Variants in SPANXN1 observed in about 807,000 individuals in gnomAD.
SPANXN1 encodes the protein SPANX family member N1, also known as sperm protein associated with the nucleus on the X chromosome N1.
A neutral mutation model predicts 2.0 loss-of-function variants in SPANXN1; 1 was observed. That is an observed-to-expected ratio of 0.50 (90% CI 0.18 to 2.36). The LOEUF is 2.36. Among genes scored for constraint, SPANXN1 ranks in the 30% most tolerant of loss-of-function variants. SPANXN1 has a pLI of 0.26. For synonymous variants in SPANXN1, 27 were observed against 21.3 expected, an observed-to-expected ratio of 1.27 and a Z score of -0.74; for missense variants, 55 against 51.8, an observed-to-expected ratio of 1.06 and a Z score of -0.19.
intron 1 of SPANXN1, among the ~76,000 whole-genome samples, chrX:145,254,747 C>G (rs1556882884): frequency 9.0e-6 from 1 of 111,480 alleles, no homozygotes; most frequent in East Asian, 2.8e-4. Flanking sequence ...TAATTGACGC[C>G]CAGTGTTGGA....
intron 1 of SPANXN1, among the ~76,000 whole-genome samples, chrX:145,253,882 G>A (rs1556882777): frequency 9.0e-6 from 1 of 111,479 alleles, no homozygotes; most frequent in Non-Finnish European, 1.9e-5. Flanking sequence ...TTGAAAAGGA[G>A]TCAAGTCTCT....
In SPANXN1 at chrX:145,247,952, C is replaced by G. The variant is rs181322714; in HGVS notation, c.75+291C>G. Among the ~76,000 whole-genome samples the G allele has an allele frequency of 8.0e-5, 9 of 112,215 alleles. No individual in the cohort carries two copies. The Admixed American group carries it at 8.4e-4, about 11-fold the overall frequency. On this transcript the variant is annotated intron_variant, in intron 1 of 1. Coordinates refer to ENST00000370493, the MANE Select transcript of SPANXN1 (RefSeq NM_001009614.3). ...TTGTGGTGTTTCTTGGAACTTTGCCCAGCAAGATACCATAGGAAAGTTTCT... is the reference window on the plus strand; with the variant it reads ...TTGTGGTGTTTCTTGGAACTTTGCCGAGCAAGATACCATAGGAAAGTTTCT...
At chrX:145,251,043 G>A (rs1156238703) in intron 1 of SPANXN1, among the ~76,000 whole-genome samples, 1 of 112,258 alleles carries the variant, frequency 8.9e-6, no homozygotes, top group Non-Finnish European at 1.9e-5. Flanking sequence ...TTGAGAGGCA[G>A]CATGGGGTGG....
rs2070810636 is a variant in SPANXN1, at chrX:145,256,141, T to C, written c.*327T>C. On this transcript the variant is annotated 3_prime_UTR_variant, in exon 2 of 2. Transcript: ENST00000370493. ...AAAAGCGATCATCTAGGTCAAGAAA[T>C]GAAATCGAAATTTCAGAAATTACAG... 4.8e-6 allele frequency: 2 copies of C among 419,505 alleles called. No individual in the cohort carries two copies. Among genetic ancestry groups the C allele is most frequent in the Non-Finnish European group, 8.4e-6 (2 of 237,903 alleles). 34.6% of individuals were successfully genotyped at this position (419,505 alleles called of 1,213,427 possible). A position where few individuals can be genotyped will look rare whatever the true frequency, so the allele number is the denominator to read the frequency against.
At position 145,249,546 on chromosome X, in the gene SPANXN1, C is replaced by T. The variant is rs782409978; in HGVS notation, c.75+1885C>T. On this transcript the variant is annotated intron_variant, in intron 1 of 1. Transcript: ENST00000370493. ...CTAGGGTGTTCTGGATTGGCAAATT[C>T]TGGAATTCTTGTTAAGTACAGTGAG... is the stretch of plus-strand genomic sequence containing the variant. 9.2e-4 allele frequency among the ~76,000 whole-genome samples: 102 copies of T among 111,469 alleles called. 1 individual carries two copies. Among genetic ancestry groups the T allele is most frequent in the African/African-American group, 3.2e-3 (98 of 30,617 alleles).
intron 1 of SPANXN1, among the ~76,000 whole-genome samples, chrX:145,248,008 G>C (rs1477750934): frequency 8.0e-5 from 9 of 112,107 alleles, no homozygotes; most frequent in Non-Finnish European, 1.3e-4. Context: ...CTTGTGTTAC[G>C]ATGATTAGGC....
chrX:145,249,882 C>A (rs1349791832), intron 1 of SPANXN1, among the ~76,000 whole-genome samples: 6 of 110,580 alleles, frequency 5.4e-5, no homozygotes, highest in African/African-American at 2.0e-4. Flanking sequence ...GGTGTAACGC[C>A]GGCCAAGTAT....
At chrX:145,249,546 C>G (rs782409978) in intron 1 of SPANXN1, among the ~76,000 whole-genome samples, 1 of 111,421 alleles carries the variant, frequency 9.0e-6, no homozygotes, top group Non-Finnish European at 1.9e-5. Flanking sequence ...TTGGCAAATT[C>G]TGGAATTCTT....
At chrX:145,254,856 T>A (rs1446018445) in intron 1 of SPANXN1, among the ~76,000 whole-genome samples, 1 of 110,663 alleles carries the variant, frequency 9.0e-6, no homozygotes, top group African/African-American at 3.3e-5. Context: ...TATCTGGAGG[T>A]TATCCCAGGT....
intron 1 of SPANXN1, among the ~76,000 whole-genome samples, chrX:145,251,191 G>A (rs1220948671): frequency 2.7e-5 from 3 of 111,850 alleles, no homozygotes; most frequent in Non-Finnish European, 5.6e-5. Flanking sequence ...TGTTGGAAGG[G>A]GGAGGAGAGG....
chrX:145,253,106 AAG>A (rs2070792898), intron 1 of SPANXN1, among the ~76,000 whole-genome samples: 1 of 111,006 alleles, frequency 9.0e-6, no homozygotes, highest in African/African-American at 3.3e-5. Context: ...AAGCAGGATG[AAG>A]AGTTTCACTG....
At chrX:145,250,484 G>A (rs2070781288) in intron 1 of SPANXN1, among the ~76,000 whole-genome samples, 1 of 111,378 alleles carries the variant, frequency 9.0e-6, no homozygotes, top group Non-Finnish European at 1.9e-5. Flanking sequence ...TTTGAGATGG[G>A]CAGCCATGGA....
rs191851086 is a variant in SPANXN1 at position 145,253,209 on chromosome X, T to C, written c.76-2462T>C. Among the ~76,000 whole-genome samples the C allele has an allele frequency of 4.0e-3, 443 of 111,185 alleles. 1 individual carries two copies. The highest frequency in any genetic ancestry group is 6.4e-3 in the Non-Finnish European group (341 of 53,038). On this transcript the variant is annotated intron_variant, in intron 1 of 1. Transcript: ENST00000370493. ...GATTAGGGTAGGCTTTTTCCCAGTG[T>C]CCGTGTTGGACGCACTTATAACAGG...
chrX:145,251,046 T>C (rs1408197945), intron 1 of SPANXN1, among the ~76,000 whole-genome samples: 1 of 111,910 alleles, frequency 8.9e-6, no homozygotes, highest in African/African-American at 3.3e-5. Flanking sequence ...AGAGGCAGCA[T>C]GGGGTGGGAG....
chrX:145,254,584 A>G, intron 1 of SPANXN1, among the ~76,000 whole-genome samples: 1 of 112,510 alleles, frequency 8.9e-6, no homozygotes, highest in Admixed American at 9.4e-5. Context: ...CGGAGCGGCC[A>G]GAGTGGCAAG....
Position 145,256,043 on chromosome X carries a change from G to T in SPANXN1, c.*229G>T, listed in dbSNP as rs1274150554. On this transcript the variant is annotated 3_prime_UTR_variant, in exon 2 of 2. Transcript: ENST00000370493. ...GCAGGATGAAGACCTAGACTTACCTGAAGGATCTTCACAGGAGGATAAAGA... is the reference window on the plus strand; with the variant it reads ...GCAGGATGAAGACCTAGACTTACCTTAAGGATCTTCACAGGAGGATAAAGA... The T allele has an allele frequency of 2.0e-5, 12 of 597,643 alleles. No homozygotes were observed. The highest frequency in any genetic ancestry group is 5.5e-6 in the Non-Finnish European group (2 of 362,440). 49.3% of individuals were successfully genotyped at this position (597,643 alleles called of 1,213,427 possible).
intron 1 of SPANXN1, among the ~76,000 whole-genome samples, 188 bp from the exon 2 acceptor site, chrX:145,255,483 G>T (rs782130256): frequency 8.1e-5 from 9 of 110,759 alleles, no homozygotes; most frequent in Non-Finnish European, 1.5e-4. Flanking sequence ...TGGACTAACA[G>T]GTGACCCTAC....
chrX:145,248,738 G>A (rs186045471), intron 1 of SPANXN1, among the ~76,000 whole-genome samples: 3 of 111,989 alleles, frequency 2.7e-5, no homozygotes, highest in South Asian at 7.6e-4. Context: ...CCCACTGAAG[G>A]CCTGATAGGA....
chrX:145,249,098 GA>G (rs1415299944), intron 1 of SPANXN1, among the ~76,000 whole-genome samples: 39 of 111,561 alleles, frequency 3.5e-4, no homozygotes, highest in Admixed American at 3.2e-3. Context: ...TTATAAACAG[GA>G]TTTGGGAATG....
Sources: allele counts gnomAD v4.1 joint callset (sites outside exome capture counted in the v4.1 genomes callset), GRCh38; gene constraint gnomAD v4.1.1; transcripts MANE v1.5; gene names NCBI Gene and HGNC (gene_info 2026-07-23, HGNC 2026-07-21).